Variants in POLR3H observed in about 807,000 individuals in gnomAD.
POLR3H encodes the protein RNA polymerase III subunit H, also known as DNA-directed RNA polymerase III subunit RPC8.
A neutral mutation model predicts 25.5 loss-of-function variants in POLR3H; 17 were observed. The ratio of observed to expected loss-of-function variants is 0.67; its 90% confidence interval spans 0.46 to 1.00. The LOEUF is 1.00. Ranked by LOEUF, POLR3H falls within the 50% of genes least tolerant of loss-of-function variation. The pLI, the probability that POLR3H is intolerant of heterozygous loss-of-function variation, is 0.00. For missense variants in POLR3H, 274 were observed against 265.0 expected, an observed-to-expected ratio of 1.03 and a Z score of -0.24; for synonymous variants, 129 against 103.0, an observed-to-expected ratio of 1.25 and a Z score of -1.53.
chr22:41,542,805 C>G (rs2145576246), intron 1 of POLR3H, among the ~76,000 whole-genome samples: 1 of 152,172 alleles, frequency 6.6e-6, no homozygotes, highest in South Asian at 2.1e-4. Context: ...AAGTTTGAGA[C>G]CAGCCTGGCC....
At chr22:41,543,052 A>T (rs2066953955) in intron 1 of POLR3H, among the ~76,000 whole-genome samples, 1 of 152,138 alleles carries the variant, frequency 6.6e-6, no homozygotes, top group South Asian at 2.1e-4. Context: ...TACTCCCGCC[A>T]GGCTTTGGCT....
At position 41,526,213 on chromosome 22, in the gene POLR3H, C is replaced by T. The variant is rs779092371; in HGVS notation, c.*3070G>A. On this transcript the variant is annotated 3_prime_UTR_variant, in exon 6 of 6. Transcript: ENST00000355209. ...TGCCTCTGGAGGGCTTGTCATCCAC[C>T]CCTCCAGGGCCATGCCCTGACCTCT... The T allele has an allele frequency of 2.7e-5, 42 of 1,543,282 alleles. No individual in the cohort carries two copies. The highest frequency in any genetic ancestry group is 1.5e-5 in the Non-Finnish European group (17 of 1,133,050).
chr22:41,544,387 G>T lies in POLR3H; in HGVS notation c.-286C>A. On this transcript the variant is annotated 5_prime_UTR_variant, in exon 1 of 6. Transcript: ENST00000355209. ...GCCACTCCACGCCACGCCACTCCAC[G>T]CCCCGCACCCGCGCCACGTGCCGCC... 3.4e-6 allele frequency: 1 copy of T among 290,652 alleles called. No individual in the cohort carries two copies. Among genetic ancestry groups the T allele is most frequent in the African/African-American group, 2.3e-5 (1 of 44,010 alleles). 18.0% of individuals were successfully genotyped at this position (290,652 alleles called of 1,614,324 possible).
At position 41,544,204 on chromosome 22, in the gene POLR3H, G is replaced by C; in HGVS notation, c.-103C>G. ...CCCTTGGTCCCGTCCCAGTCGCTGA[G>C]GCCCCCAGGCTGGCGGTGAGGTTGC... On this transcript the variant is annotated 5_prime_UTR_variant, in exon 1 of 6. Coordinates refer to ENST00000355209, the MANE Select transcript of POLR3H (RefSeq NM_001018050.4). 1 of 680,834 alleles carries C rather than the reference G, an allele frequency of 1.5e-6. No individual in the cohort carries two copies. Among genetic ancestry groups the C allele is most frequent in the South Asian group, 1.9e-5 (1 of 53,334 alleles). The allele number at this position is 680,834 out of a possible 1,614,324, so 42.2% of individuals were successfully genotyped here.
rs1466191200 is a variant in POLR3H, at chr22:41,527,055, C to T, written c.*2228G>A. 1 of 609,464 alleles carries T rather than the reference C, an allele frequency of 1.6e-6. No homozygotes were observed. Among genetic ancestry groups the T allele is most frequent in the East Asian group, 2.9e-5 (1 of 35,056 alleles). 37.8% of individuals were successfully genotyped at this position (609,464 alleles called of 1,614,324 possible). A position where few individuals can be genotyped will look rare whatever the true frequency, so the allele number is the denominator to read the frequency against. On this transcript the variant is annotated 3_prime_UTR_variant, in exon 6 of 6. Transcript: ENST00000355209. The stretch of plus-strand genomic sequence containing the variant: ...AGCACCAATGGGTGGCTTCTGTCTT[C>T]TTTGCCACTGCAAACAACCACGTGC...
intron 1 of POLR3H, 57 bp downstream of exon 1, chr22:41,543,934 G>A (rs2066974237): frequency 7.6e-7 from 1 of 1,315,114 alleles, no homozygotes; most frequent in South Asian, 1.2e-5. Context: ...CCTGCGGCCA[G>A]TGGGCGGCGC....
At chr22:41,532,008 C>T in intron 4 of POLR3H, 86 bp downstream of exon 4, 1 of 1,283,324 alleles carries the variant, frequency 7.8e-7, no homozygotes, top group South Asian at 1.2e-5. Context: ...GGTTACAGGC[C>T]CCAAAGGCCA....
Position 41,528,360 on chromosome 22 carries a change from T to G in POLR3H, c.*923A>C. ...CCATCAGGCACAGACTGGCCTAGGA[T>G]TTGGTTTGCCTGCTGACCTCTTAGG... On this transcript the variant is annotated 3_prime_UTR_variant, in exon 6 of 6. Coordinates refer to ENST00000355209, the MANE Select transcript of POLR3H (RefSeq NM_001018050.4). The G allele has an allele frequency of 1.4e-6, 2 of 1,405,278 alleles. No homozygotes were observed. Among genetic ancestry groups the G allele is most frequent in the Non-Finnish European group, 9.6e-7 (1 of 1,045,072 alleles). 87.1% of individuals were successfully genotyped at this position (1,405,278 alleles called of 1,614,324 possible).
At position 41,526,213 on chromosome 22, in the gene POLR3H, C is replaced by G; in HGVS notation, c.*3070G>C. On this transcript the variant is annotated 3_prime_UTR_variant, in exon 6 of 6. Transcript: ENST00000355209. ...TGCCTCTGGAGGGCTTGTCATCCAC[C>G]CCTCCAGGGCCATGCCCTGACCTCT... 2 of 1,543,398 alleles carry G rather than the reference C, an allele frequency of 1.3e-6. No individual in the cohort carries two copies. The highest frequency in any genetic ancestry group is 2.3e-5 in the East Asian group (1 of 43,886).
chr22:41,528,676 T>C lies in POLR3H; in HGVS notation c.*607A>G. On this transcript the variant is annotated 3_prime_UTR_variant, in exon 6 of 6. Transcript: ENST00000355209. ...CAGCTCCACGTGTGCCATCAGTGGA[T>C]CCGATCCGTCCAGCCATGGCTTCCT... The C allele has an allele frequency of 6.3e-7, 1 of 1,583,660 alleles. No homozygotes were observed. The highest frequency in any genetic ancestry group is 8.6e-7 in the Non-Finnish European group (1 of 1,167,988).
chr22:41,542,292 C>A (rs2066941504), intron 1 of POLR3H, among the ~76,000 whole-genome samples: 1 of 152,104 alleles, frequency 6.6e-6, no homozygotes, highest in African/African-American at 2.4e-5. Flanking sequence ...CCATGTTGGA[C>A]AGGCTGGTCT....
intron 2 of POLR3H, chr22:41,533,566 T>G: frequency 7.8e-7 from 1 of 1,285,456 alleles, no homozygotes; most frequent in Non-Finnish European, 1.0e-6. Context: ...CAGACAGGTT[T>G]AATCCCAAAC....
At chr22:41,529,912 C>T (rs1249173605) in intron 5 of POLR3H, among the ~76,000 whole-genome samples, 1 of 151,694 alleles carries the variant, frequency 6.6e-6, no homozygotes, top group Non-Finnish European at 1.5e-5. Flanking sequence ...CCCGCCACCA[C>T]ACCCGGCTAA....
chr22:41,541,247 A>AC (rs1279174327), intron 1 of POLR3H, among the ~76,000 whole-genome samples: 1 of 152,168 alleles, frequency 6.6e-6, no homozygotes. Flanking sequence ...TGCTGCCTAA[A>AC]CGTGCACTCT....
intron 2 of POLR3H, among the ~76,000 whole-genome samples, chr22:41,534,203 C>T (rs2066800217): frequency 6.6e-6 from 1 of 152,100 alleles, no homozygotes; most frequent in Non-Finnish European, 1.5e-5. Flanking sequence ...GCACTGGGCT[C>T]ACGGGGGTGG....
intron 2 of POLR3H, among the ~76,000 whole-genome samples, chr22:41,537,962 CTAATT>C (rs1201440037): frequency 6.7e-6 from 1 of 149,246 alleles, no homozygotes; most frequent in Non-Finnish European, 1.5e-5. Flanking sequence ...CCAGACCTGG[CTAATT>C]TTTTTTTTTT....
chr22:41,529,842 A>G (rs1184034200), intron 5 of POLR3H, among the ~76,000 whole-genome samples: 4 of 145,124 alleles, frequency 2.8e-5, no homozygotes, highest in South Asian at 2.2e-4. Context: ...TGCAACCTCC[A>G]CCTCCCGGGT....
rs148077521 is a variant in POLR3H at position 41,530,854 on chromosome 22, C to T, written c.394G>A (p.Glu132Lys). The change falls in exon 5 of 6, where the codon GAG becomes AAG. Residue 132 changes from glutamate (E) to lysine (K), a missense_variant. Coordinates refer to ENST00000355209, the MANE Select transcript of POLR3H (RefSeq NM_001018050.4). ...EAEQVWVWEY[E>K]TEEGAHDLYM... is the part of the protein sequence containing the mutation. ...AGGTCGTGTGCTCCTTCCTCCGTCTCGTACTCCCACACCCACACCTGCTCC... is the reference window on the plus strand; with the variant it reads ...AGGTCGTGTGCTCCTTCCTCCGTCTTGTACTCCCACACCCACACCTGCTCC... The T allele has an allele frequency of 4.3e-6, 7 of 1,613,906 alleles. No individual in the cohort carries two copies. Among genetic ancestry groups the T allele is most frequent in the Admixed American group, 1.7e-5 (1 of 60,012 alleles).
rs150498014 is a variant in POLR3H, at chr22:41,530,726, A to C, written c.522T>G (p.Ser174Arg). The change falls in exon 5 of 6, where the codon AGT becomes AGG. Residue 174 changes from serine to arginine, a missense_variant. Transcript: ENST00000355209. ...GAGCCTCCTTCTTTGGCAGCTCCTC[A>C]CTGGAAGTGGTGGCATCTGCTGAGC... is the stretch of plus-strand genomic sequence containing the variant. ...GPSSADATTS[S>R]EELPKKEAPY... The C allele has an allele frequency of 1.3e-4, 212 of 1,613,798 alleles. No individual in the cohort carries two copies. In the African/African-American group the frequency reaches 2.5e-3, roughly 19 times the overall value.
Sources: allele counts gnomAD v4.1 joint callset (sites outside exome capture counted in the v4.1 genomes callset), GRCh38; gene constraint gnomAD v4.1.1; transcripts MANE v1.5; gene names NCBI Gene and HGNC (gene_info 2026-07-23, HGNC 2026-07-21).